PTPRG: variants seen among roughly 807,000 people sequenced by gnomAD.
The protein encoded by PTPRG is protein tyrosine phosphatase receptor type G, also known as receptor-type tyrosine-protein phosphatase gamma.
In PTPRG, 102 loss-of-function variants were observed where a neutral mutation model predicts 165.3. That is an observed-to-expected ratio of 0.62 (90% confidence interval 0.53 to 0.73). The LOEUF (loss-of-function observed/expected upper bound fraction) is 0.73, where lower values mean the gene tolerates loss of function less well. Ranked by LOEUF, PTPRG falls within the 30% of genes least tolerant of loss-of-function variation. The pLI, the probability that PTPRG is intolerant of heterozygous loss-of-function variation, is 0.00. For missense variants in PTPRG, 1,866 were observed against 1,861.4 expected, an observed-to-expected ratio of 1.00 and a Z score of -0.05; for synonymous variants, 675 against 669.5, an observed-to-expected ratio of 1.01 and a Z score of -0.13.
chr3:61,582,199 C>T (rs1254971020), intron 1 of PTPRG, among the ~76,000 whole-genome samples: 2 of 152,100 alleles, frequency 1.3e-5, no homozygotes, highest in Admixed American at 1.3e-4. Context: ...AACTCCTGGT[C>T]TCAAGTGATC....
chr3:61,846,641 C>A (rs534459672), intron 2 of PTPRG, among the ~76,000 whole-genome samples: 1 of 147,692 alleles, frequency 6.8e-6, no homozygotes, highest in African/African-American at 2.7e-5. Flanking sequence ...TTTTATTGGG[C>A]GTGGTGGCTC....
At chr3:62,001,117 T>C (rs977109402) in intron 3 of PTPRG, among the ~76,000 whole-genome samples, 1 of 152,218 alleles carries the variant, frequency 6.6e-6, no homozygotes, top group African/African-American at 2.4e-5. Context: ...TTCAATGTTA[T>C]CACTGGTCAT....
intron 2 of PTPRG, among the ~76,000 whole-genome samples, chr3:61,785,086 A>G (rs915299902): frequency 2.6e-5 from 4 of 152,224 alleles, no homozygotes; most frequent in Non-Finnish European, 4.4e-5. Flanking sequence ...ACATGCAGAA[A>G]TGCTACAGAA....
chr3:62,182,659 C>CTTTG (rs148648975), intron 8 of PTPRG, among the ~76,000 whole-genome samples: 11,039 of 152,128 alleles, frequency 0.073, 679 homozygotes, highest in East Asian at 0.34. Context: ...GTAACTAATT[C>CTTTG]TTTGTTTGTT....
At chr3:62,191,249 G>A (rs1195068236) in intron 8 of PTPRG, among the ~76,000 whole-genome samples, 4 of 151,844 alleles carry the variant, frequency 2.6e-5, no homozygotes, top group Admixed American at 2.0e-4. Flanking sequence ...TTGCACACGT[G>A]TGTGTGCATC....
At chr3:61,694,135 C>G (rs1454936422) in intron 1 of PTPRG, among the ~76,000 whole-genome samples, 3 of 151,586 alleles carry the variant, frequency 2.0e-5, no homozygotes, top group African/African-American at 7.3e-5. Context: ...ATTTCAGAGA[C>G]AGGGAACAGC....
At chr3:61,658,930 G>A (rs1016168619) in intron 1 of PTPRG, among the ~76,000 whole-genome samples, 4 of 152,192 alleles carry the variant, frequency 2.6e-5, no homozygotes, top group African/African-American at 9.7e-5. Flanking sequence ...CTGAATCTGT[G>A]TTCAGACCAG....
At chr3:62,051,065 G>A (rs1435407714) in intron 4 of PTPRG, among the ~76,000 whole-genome samples, 3 of 152,158 alleles carry the variant, frequency 2.0e-5, no homozygotes, top group Non-Finnish European at 2.9e-5. Context: ...AAGTCAACAG[G>A]TGTCTCTTAC....
At position 61,562,347 on chromosome 3, in the gene PTPRG, G is replaced by C. The variant is rs1479071038; in HGVS notation, c.60G>C (p.Val20=). 1.9e-6 allele frequency: 3 copies of C among 1,613,726 alleles called. No individual in the cohort carries two copies. The highest frequency in any genetic ancestry group is 1.7e-5 in the Admixed American group (1 of 60,022). Reference sequence around the variant, plus strand: ...TGTTCCTGAAAATCACCAGTTCCGTGCTCCATTATGTCGTGTGCTTCCCCG... The same window carrying C: ...TGTTCCTGAAAATCACCAGTTCCGTCCTCCATTATGTCGTGTGCTTCCCCG... ...WILFLKITSS[V]LHYVVCFPAL... Residue 20 remains valine, a synonymous_variant, in exon 1 of 30, where the codon GTG becomes GTC. Transcript: ENST00000474889.
chr3:61,940,729 T>C (rs1036400919), intron 2 of PTPRG, among the ~76,000 whole-genome samples: 30 of 151,710 alleles, frequency 2.0e-4, no homozygotes, highest in African/African-American at 7.3e-4. Context: ...AGTGGCGCGA[T>C]CTTGGCTCAC....
chr3:62,036,975 G>A (rs76500369), intron 4 of PTPRG, among the ~76,000 whole-genome samples: 15,997 of 114,906 alleles, frequency 0.14, 1,029 homozygotes, highest in South Asian at 0.25. Context: ...GCACGTGCGC[G>A]CGCGCACGCA....
intron 1 of PTPRG, among the ~76,000 whole-genome samples, chr3:61,689,649 A>T (rs550719381): frequency 1.3e-5 from 2 of 152,308 alleles, no homozygotes; most frequent in African/African-American, 4.8e-5. Context: ...ATTGCATCAG[A>T]TCTTTTTCTC....
intron 5 of PTPRG, among the ~76,000 whole-genome samples, chr3:62,084,106 C>T (rs1188457298): frequency 6.6e-6 from 1 of 152,178 alleles, no homozygotes; most frequent in Non-Finnish European, 1.5e-5. Flanking sequence ...GACATTGTTT[C>T]CAGCCTCCTT....
At position 61,899,703 on chromosome 3, in the gene PTPRG, T is replaced by A. The variant is rs2038450232; in HGVS notation, c.191-89922T>A. On this transcript the variant is annotated intron_variant, in intron 2 of 29. Coordinates refer to ENST00000474889, the MANE Select transcript of PTPRG (RefSeq NM_002841.4). ...TCAGAACCTGTTTGTGGATTCCAAT[T>A]CAGTAGATTTGGGGGCAGGGGGACA... Among the ~76,000 whole-genome samples the A allele has an allele frequency of 2.0e-5, 3 of 152,272 alleles. No individual in the cohort carries two copies. In the South Asian group the frequency reaches 6.2e-4, roughly 32 times the overall value.
chr3:61,790,339 C>T (rs72880412), intron 2 of PTPRG, among the ~76,000 whole-genome samples: 185 of 152,314 alleles, frequency 1.2e-3, no homozygotes, highest in African/African-American at 4.2e-3. Context: ...TTCGGGAACA[C>T]CATCTTGTCT....
At chr3:61,982,978 T>A (rs2040675506) in intron 2 of PTPRG, among the ~76,000 whole-genome samples, 1 of 152,164 alleles carries the variant, frequency 6.6e-6, no homozygotes, top group African/African-American at 2.4e-5. Flanking sequence ...GTACTGCAGT[T>A]TTTACACCTT....
intron 2 of PTPRG, among the ~76,000 whole-genome samples, chr3:61,922,785 T>C (rs1313497098): frequency 3.3e-5 from 5 of 152,106 alleles, no homozygotes; most frequent in African/African-American, 1.2e-4. Flanking sequence ...GGATTACAGG[T>C]GCGTGCCACC....
chr3:62,078,245 C>A lies in PTPRG; in HGVS notation c.602C>A (p.Ala201Asp). 1 of 1,596,504 alleles carries A rather than the reference C, an allele frequency of 6.3e-7. No homozygotes were observed. Among genetic ancestry groups the A allele is most frequent in the Non-Finnish European group, 8.5e-7 (1 of 1,170,722 alleles). Residue 201 changes from alanine (A) to aspartate (D), a missense_variant, in exon 5 of 30, where the codon GCC becomes GAC. By Grantham distance (126) the Ala-to-Asp change is moderately radical (BLOSUM62 -2). This residue lies in a region of PTPRG where 408 missense variants were observed against 376.2 expected (regional missense o/e 1.08). Coordinates refer to ENST00000474889, the MANE Select transcript of PTPRG (RefSeq NM_002841.4). ...ISENRIIGAM[A>D]IFFQVSPRDN... ...GAGAACAGAATAATCGGAGCCATGG[C>A]CATATTTTTTCAAGTAAGTTAACAG... is the stretch of plus-strand genomic sequence containing the variant.
In PTPRG at chr3:62,233,509, C is replaced by G. The variant is rs562343845; in HGVS notation, c.2375+2198C>G. 3.3e-5 allele frequency among the ~76,000 whole-genome samples: 5 copies of G among 152,304 alleles called. No individual in the cohort carries two copies. In the South Asian group the frequency reaches 1.0e-3, roughly 32 times the overall value. On this transcript the variant is annotated intron_variant, in intron 14 of 29. Transcript: ENST00000474889. The surrounding 1 kb of genome is among the most constrained non-coding windows in gnomAD (Gnocchi z 4.7). ...GGAATGCAAGCCCTTCAACCAGGCT[C>G]TCTCTCACCTTTGCCTTTTTCATTC...
Sources: gnomAD v4.1 joint callset for allele counts (sites outside exome capture counted in the v4.1 genomes callset) on GRCh38, gnomAD v4.1.1 for gene constraint, gnomAD v4.1.1 regional missense constraint, Gnocchi (gnomAD v3.1) non-coding constraint, MANE v1.5 for transcripts, NCBI Gene and HGNC (gene_info 2026-07-23, HGNC 2026-07-21) for gene names.